ADARB2: variants seen among roughly 807,000 people sequenced by gnomAD.
ADARB2 encodes the protein inactive double-stranded RNA-specific editase B2.
Under a neutral mutation model 62.2 loss-of-function variants are expected in ADARB2, and 25 were observed. The observed-to-expected ratio is 0.40, with a 90% confidence interval of 0.29 to 0.56. The LOEUF is 0.56. Ranked by LOEUF, ADARB2 falls within the 20% of genes least tolerant of loss-of-function variation. The probability of loss-of-function intolerance (pLI) is 0.43; values close to 1 mark genes in which losing one functional copy is unlikely to be tolerated. For missense variants in ADARB2, 1,071 were observed against 1,077.4 expected, an observed-to-expected ratio of 0.99 and a Z score of 0.08; for synonymous variants, 572 against 500.8, an observed-to-expected ratio of 1.14 and a Z score of -1.90.
At chr10:1,208,367 C>T (rs1332419213) in intron 7 of ADARB2, among the ~76,000 whole-genome samples, 1 of 152,200 alleles carries the variant, frequency 6.6e-6, no homozygotes. Flanking sequence ...GTGCGTGTGG[C>T]TGGTGCCACC....
At chr10:1,357,038 T>C (rs758535462) in intron 3 of ADARB2, among the ~76,000 whole-genome samples, 73 of 152,330 alleles carry the variant, frequency 4.8e-4, no homozygotes, top group Middle Eastern at 3.4e-3. Flanking sequence ...GCAAGCCCTT[T>C]GTAATTTTAC....
intron 1 of ADARB2, among the ~76,000 whole-genome samples, chr10:1,614,492 C>G (rs1009043794): frequency 2.0e-5 from 3 of 152,144 alleles, no homozygotes; most frequent in East Asian, 1.9e-4. Flanking sequence ...GGGTTTATAA[C>G]GAGTGAAATA....
intron 1 of ADARB2, among the ~76,000 whole-genome samples, chr10:1,543,059 AC>A (rs1353993835): frequency 1.3e-5 from 2 of 152,244 alleles, no homozygotes; most frequent in Non-Finnish European, 2.9e-5. Flanking sequence ...TGTTACAGCG[AC>A]GGTGCGGCTT....
chr10:1,242,273 C>T lies in ADARB2; in HGVS notation c.1219G>A (p.Val407Met), dbSNP rs200534087. 243 of 1,571,714 alleles carry T rather than the reference C, an allele frequency of 1.5e-4. No individual in the cohort carries two copies. The highest frequency in any genetic ancestry group is 1.7e-4 in the Non-Finnish European group (203 of 1,160,558). Residue 407 changes from valine (V) to methionine (M), a missense_variant, in exon 5 of 10, where the codon GTG becomes ATG. Coordinates refer to ENST00000381312, the MANE Select transcript of ADARB2 (RefSeq NM_018702.4). ...KGLDARQAQV[V>M]ALSSGTKCIS... is the part of the protein sequence containing the mutation. ...CACTTGGTCCCCGAGGACAGGGCCA[C>T]GACCTGCGCCTGCCGAGCATCCAGG...
chr10:1,181,089 C>G lies in ADARB2; in HGVS notation c.*2104G>C, dbSNP rs992014934. 10 of 152,244 alleles carry G rather than the reference C, an allele frequency of 6.6e-5. No homozygotes were observed. Among genetic ancestry groups the G allele is most frequent in the African/African-American group, 2.4e-4 (10 of 41,450 alleles). 9.4% of individuals were successfully genotyped at this position (152,244 alleles called of 1,614,324 possible). ...ACAGGCCCCCTCGCTGCAGAAACAG[C>G]GTGATTTGGAGCCCACTGGGACAAA... is the stretch of plus-strand genomic sequence containing the variant. On this transcript the variant is annotated 3_prime_UTR_variant, in exon 10 of 10. Coordinates refer to ENST00000381312, the MANE Select transcript of ADARB2 (RefSeq NM_018702.4).
intron 3 of ADARB2, among the ~76,000 whole-genome samples, chr10:1,276,083 C>G (rs943876950): frequency 2.0e-5 from 3 of 152,042 alleles, no homozygotes; most frequent in Non-Finnish European, 2.9e-5. Flanking sequence ...AATCGCCACA[C>G]TGACTTCCAC....
chr10:1,523,414 A>G (rs1832099432), intron 1 of ADARB2, among the ~76,000 whole-genome samples: 1 of 152,224 alleles, frequency 6.6e-6, no homozygotes, highest in Non-Finnish European at 1.5e-5. Flanking sequence ...CACGTCACGC[A>G]GCCCTGAGCT....
At chr10:1,248,041 C>G (rs548551633) in intron 4 of ADARB2, among the ~76,000 whole-genome samples, 1 of 152,322 alleles carries the variant, frequency 6.6e-6, no homozygotes, top group Admixed American at 6.5e-5. Context: ...TGCCCAAAGC[C>G]AGGCCGCCTT....
chr10:1,417,325 C>T (rs991348201), intron 1 of ADARB2, among the ~76,000 whole-genome samples: 10 of 151,560 alleles, frequency 6.6e-5, no homozygotes, highest in Non-Finnish European at 1.3e-4. Context: ...ATAGAACAGT[C>T]GGTCAGGAAG....
intron 1 of ADARB2, among the ~76,000 whole-genome samples, chr10:1,573,501 CA>C (rs1207746855): frequency 6.6e-6 from 1 of 152,190 alleles, no homozygotes; most frequent in Non-Finnish European, 1.5e-5. Context: ...CCGGTGCCTC[CA>C]ACACCCCACC....
At chr10:1,640,446 G>A (rs940085899) in intron 1 of ADARB2, among the ~76,000 whole-genome samples, 3 of 152,222 alleles carry the variant, frequency 2.0e-5, no homozygotes, top group Non-Finnish European at 2.9e-5. Context: ...GTCAGAGCTT[G>A]CAGTTTGCTG....
At chr10:1,607,274 G>C (rs1000036750) in intron 1 of ADARB2, among the ~76,000 whole-genome samples, 1 of 152,182 alleles carries the variant, frequency 6.6e-6, no homozygotes, top group Non-Finnish European at 1.5e-5. Flanking sequence ...ATTCATGAAC[G>C]ATTCACCACG....
chr10:1,542,739 G>A (rs77820884), intron 1 of ADARB2, among the ~76,000 whole-genome samples: 4 of 28,702 alleles, frequency 1.4e-4, no homozygotes, highest in African/African-American at 4.7e-4. Flanking sequence ...GACGCAGTTC[G>A]GACCCCGGAT....
intron 3 of ADARB2, among the ~76,000 whole-genome samples, chr10:1,280,940 G>A (rs929124085): frequency 2.6e-5 from 4 of 152,222 alleles, no homozygotes; most frequent in Admixed American, 6.5e-5. Flanking sequence ...GGCTGAGCAC[G>A]CACGGCTTAT....
chr10:1,281,933 T>C (rs1041213040), intron 3 of ADARB2, among the ~76,000 whole-genome samples: 1 of 152,360 alleles, frequency 6.6e-6, no homozygotes, highest in South Asian at 2.1e-4. Flanking sequence ...TAAAAAACTT[T>C]CCTTACTTTG....
At chr10:1,316,929 C>A (rs1409993672) in intron 3 of ADARB2, among the ~76,000 whole-genome samples, 1 of 152,242 alleles carries the variant, frequency 6.6e-6, no homozygotes, top group South Asian at 2.1e-4. Flanking sequence ...TGTGTCTGTG[C>A]ATGCTTGTAT....
At chr10:1,232,580 G>C (rs1341981446) in intron 6 of ADARB2, among the ~76,000 whole-genome samples, 2 of 144,750 alleles carry the variant, frequency 1.4e-5, no homozygotes, top group African/African-American at 5.0e-5. Context: ...TGTGGTGTGT[G>C]GTATGCATGT....
chr10:1,391,011 C>A (rs1373609126), intron 1 of ADARB2, among the ~76,000 whole-genome samples: 2 of 152,182 alleles, frequency 1.3e-5, no homozygotes, highest in African/African-American at 4.8e-5. Flanking sequence ...TCACCCCCTG[C>A]CCCCTTAGTT....
At position 1,599,412 on chromosome 10, in the gene ADARB2, C is replaced by G. The variant is rs11250657; in HGVS notation, c.100+137639G>C. On this transcript the variant is annotated intron_variant, in intron 1 of 9. Coordinates refer to ENST00000381312, the MANE Select transcript of ADARB2 (RefSeq NM_018702.4). ...ACTTTGACCTGCAAGCATGCAGTGA[C>G]GACCGGTAGCTGTGAATACTGCCAC... Among the ~76,000 whole-genome samples the G allele has an allele frequency of 2.0e-5, 3 of 152,210 alleles. No homozygotes were observed. The East Asian group carries it at 5.8e-4, about 29-fold the overall frequency.
Sources: allele counts gnomAD v4.1 joint callset (sites outside exome capture counted in the v4.1 genomes callset), GRCh38; gene constraint gnomAD v4.1.1; transcripts MANE v1.5; gene names NCBI Gene and HGNC (gene_info 2026-07-23, HGNC 2026-07-21).